Variants in CSRNP3 observed in about 807,000 individuals in gnomAD.
CSRNP3 encodes the protein cysteine/serine-rich nuclear protein 3.
A neutral mutation model predicts 48.0 loss-of-function variants in CSRNP3; 12 were observed. That is an observed-to-expected ratio of 0.25 (90% confidence interval 0.16 to 0.41). The LOEUF is 0.41. Ranked by LOEUF, CSRNP3 falls within the 10% of genes least tolerant of loss-of-function variation. The pLI is 1.00. For synonymous variants in CSRNP3, 263 were observed against 269.7 expected (o/e 0.98, Z 0.24); for missense variants, 580 against 724.4 (o/e 0.80, Z 2.29).
intron 1 of CSRNP3, among the ~76,000 whole-genome samples, chr2:165,473,182 A>G (rs1683915916): frequency 6.6e-6 from 1 of 152,128 alleles, no homozygotes; most frequent in African/African-American, 2.4e-5. Context: ...TTTGTTAGTC[A>G]TTTCTACTTA....
At chr2:165,670,368 G>A (rs1687308175) in intron 5 of CSRNP3, among the ~76,000 whole-genome samples, 1 of 152,096 alleles carries the variant, frequency 6.6e-6, no homozygotes, top group African/African-American at 2.4e-5. Context: ...AGTTCATTGG[G>A]ATCAAGGGCT....
At chr2:165,603,352 G>A (rs149082718) in intron 4 of CSRNP3, among the ~76,000 whole-genome samples, 1 of 152,158 alleles carries the variant, frequency 6.6e-6, no homozygotes, top group African/African-American at 2.4e-5. Context: ...ACTCTGACCT[G>A]GATTCCTTAC....
intron 3 of CSRNP3, among the ~76,000 whole-genome samples, chr2:165,590,347 T>G (rs1685696108): frequency 6.6e-6 from 1 of 152,210 alleles, no homozygotes; most frequent in African/African-American, 2.4e-5. Flanking sequence ...TATTCTTAAT[T>G]TGATGGAGCC....
intron 3 of CSRNP3, among the ~76,000 whole-genome samples, chr2:165,586,981 G>A (rs571213088): frequency 1.3e-4 from 20 of 152,064 alleles, no homozygotes; most frequent in Non-Finnish European, 2.4e-4. Flanking sequence ...CTTCCCAATA[G>A]GACAGAAATA....
rs1199006272 is a variant in CSRNP3 at position 165,683,825 on chromosome 2, T to C, written c.*4072T>C. The stretch of plus-strand genomic sequence containing the variant: ...GTGACATTAGAAAAACTGACATCAG[T>C]TCTTGTCTAATTATATGTGAGCTGC... On this transcript the variant is annotated 3_prime_UTR_variant, in exon 7 of 7. Coordinates refer to ENST00000651982, the MANE Select transcript of CSRNP3 (RefSeq NM_001172173.2). 6.6e-6 allele frequency: 1 copy of C among 152,084 alleles called. No homozygotes were observed. The highest frequency in any genetic ancestry group is 1.5e-5 in the Non-Finnish European group (1 of 67,986). 9.4% of individuals were successfully genotyped at this position (152,084 alleles called of 1,614,324 possible). A position where few individuals can be genotyped will look rare whatever the true frequency, so the allele number is the denominator to read the frequency against.
intron 4 of CSRNP3, among the ~76,000 whole-genome samples, chr2:165,628,814 C>A (rs183188506): frequency 7.9e-5 from 12 of 152,280 alleles, no homozygotes; most frequent in Admixed American, 4.6e-4. Flanking sequence ...TGCCTGTAAT[C>A]CCAGCTTTTG....
chr2:165,674,091 T>A (rs1687380362), intron 5 of CSRNP3, among the ~76,000 whole-genome samples: 1 of 152,120 alleles, frequency 6.6e-6, no homozygotes, highest in Non-Finnish European at 1.5e-5. Context: ...GAGATTTTGT[T>A]GTTGTAATGT....
chr2:165,574,288 G>A (rs1685414419), intron 3 of CSRNP3: 4 of 1,223,912 alleles, frequency 3.3e-6, no homozygotes, highest in African/African-American at 3.0e-5. Context: ...CACAGGGCTG[G>A]TGGAAAGCTG....
chr2:165,561,481 T>C lies in CSRNP3; in HGVS notation c.-23-33562T>C, dbSNP rs186764004. 2.6e-3 allele frequency among the ~76,000 whole-genome samples: 399 copies of C among 152,268 alleles called. 1 individual carries two copies. The highest frequency in any genetic ancestry group is 8.6e-3 in the African/African-American group (359 of 41,552). On this transcript the variant is annotated intron_variant, in intron 3 of 6. Coordinates refer to ENST00000651982, the MANE Select transcript of CSRNP3 (RefSeq NM_001172173.2). ...TTTCAATTCAGTAATGATTCTTCTGTTTGTTCTGGTTTCTTGATATTCTAC... is the reference window on the plus strand; with the variant it reads ...TTTCAATTCAGTAATGATTCTTCTGCTTGTTCTGGTTTCTTGATATTCTAC...
At chr2:165,628,083 C>T (rs567368412) in intron 4 of CSRNP3, among the ~76,000 whole-genome samples, 6 of 152,284 alleles carry the variant, frequency 3.9e-5, no homozygotes, top group East Asian at 1.9e-4. Context: ...GCCTGTCCAG[C>T]GGAATTGCCA....
chr2:165,535,335 A>C (rs901683933), intron 3 of CSRNP3, among the ~76,000 whole-genome samples: 2 of 148,334 alleles, frequency 1.3e-5, no homozygotes, highest in African/African-American at 5.0e-5. Flanking sequence ...TTTTTCTTTG[A>C]CCTACATTTT....
chr2:165,575,419 C>CTG (rs35320002), intron 3 of CSRNP3, among the ~76,000 whole-genome samples: 120,528 of 151,906 alleles, frequency 0.79, 47,974 homozygotes, highest in Non-Finnish European at 0.82. Context: ...GTGCATCTGT[C>CTG]TATTACAGGT....
chr2:165,641,760 T>C (rs1686724730), intron 4 of CSRNP3, among the ~76,000 whole-genome samples: 1 of 152,176 alleles, frequency 6.6e-6, no homozygotes, highest in South Asian at 2.1e-4. Flanking sequence ...TTTGGAATTT[T>C]AGTTTGCTCC....
chr2:165,506,435 A>T lies in CSRNP3; in HGVS notation c.-112-11438A>T, dbSNP rs1270660828. 3.3e-5 allele frequency among the ~76,000 whole-genome samples: 5 copies of T among 152,084 alleles called. No homozygotes were observed. In the East Asian group the frequency reaches 9.7e-4, roughly 29 times the overall value. ...ATTCTCACCAACCCATCCGTGCCTC[A>T]GATGATATATCTAGTGGCTGCCACA... is the stretch of plus-strand genomic sequence containing the variant. On this transcript the variant is annotated intron_variant, in intron 2 of 6. Coordinates refer to ENST00000651982, the MANE Select transcript of CSRNP3 (RefSeq NM_001172173.2).
At position 165,683,537 on chromosome 2, in the gene CSRNP3, T is replaced by A. The variant is rs1279542909; in HGVS notation, c.*3784T>A. On this transcript the variant is annotated 3_prime_UTR_variant, in exon 7 of 7. Coordinates refer to ENST00000651982, the MANE Select transcript of CSRNP3 (RefSeq NM_001172173.2). The stretch of plus-strand genomic sequence containing the variant: ...GGAAAACATACCATGATTTACTTTC[T>A]ATAACTTGCTAATCACTGTTTCTTT... 6.6e-6 allele frequency: 1 copy of A among 152,166 alleles called. No individual in the cohort carries two copies. 9.4% of individuals were successfully genotyped at this position (152,166 alleles called of 1,614,324 possible).
At chr2:165,518,687 G>A (rs1684612217) in intron 3 of CSRNP3, among the ~76,000 whole-genome samples, 1 of 151,744 alleles carries the variant, frequency 6.6e-6, no homozygotes, top group African/African-American at 2.4e-5. Context: ...TATATTGTGG[G>A]ACCCAATATC....
chr2:165,655,036 C>A (rs560647548), intron 4 of CSRNP3, among the ~76,000 whole-genome samples: 1 of 152,158 alleles, frequency 6.6e-6, no homozygotes, highest in Non-Finnish European at 1.5e-5. Flanking sequence ...TGATATTAAT[C>A]ATAGCAGCCT....
chr2:165,480,867 G>A (rs2105448529), intron 1 of CSRNP3, among the ~76,000 whole-genome samples: 1 of 146,546 alleles, frequency 6.8e-6, no homozygotes, highest in South Asian at 2.1e-4. Context: ...ATATAATGTT[G>A]GCTAGGTGCA....
chr2:165,566,487 G>A (rs1418288521), intron 3 of CSRNP3, among the ~76,000 whole-genome samples: 6 of 151,364 alleles, frequency 4.0e-5, no homozygotes, highest in Admixed American at 2.0e-4. Flanking sequence ...TGCCTCAATG[G>A]TTTCATCTGT....
Sources: gnomAD v4.1 joint callset for allele counts (sites outside exome capture counted in the v4.1 genomes callset) on GRCh38, gnomAD v4.1.1 for gene constraint, MANE v1.5 for transcripts, NCBI Gene and HGNC (gene_info 2026-07-23, HGNC 2026-07-21) for gene names.